Variants in CDKL5 observed in about 807,000 individuals in gnomAD.
CDKL5 encodes cyclin dependent kinase like 5.
A neutral mutation model predicts 61.7 loss-of-function variants in CDKL5; 8 were observed. That is an observed-to-expected ratio of 0.13 (90% CI 0.08 to 0.23). The LOEUF is 0.23. Ranked by LOEUF, CDKL5 falls within the 10% of genes least tolerant of loss-of-function variation. The pLI, the probability that CDKL5 is intolerant of heterozygous loss-of-function variation, is 1.00. For missense variants in CDKL5, 440 were observed against 734.5 expected, an observed-to-expected ratio of 0.60 and a Z score of 4.63; for synonymous variants, 275 against 272.3, an observed-to-expected ratio of 1.01 and a Z score of -0.10.
downstream of CDKL5, chrX:18,640,328 TGTC>T (rs1569228063): frequency 9.1e-6 from 1 of 110,059 alleles, no homozygotes; most frequent in Non-Finnish European, 1.9e-5. Context: ...TGACAGTCCA[TGTC>T]GTGACCAAAG....
At chrX:18,585,627 T>C (rs1395629366) in intron 8 of CDKL5, among the ~76,000 whole-genome samples, 1 of 111,813 alleles carries the variant, frequency 8.9e-6, no homozygotes, top group African/African-American at 3.3e-5. Context: ...CTTTTCTTTT[T>C]AGTACATTTT....
At chrX:18,653,602 C>A in exon 22 of CDKL5, 1 of 1,135,145 alleles carries the variant, frequency 8.8e-7, no homozygotes, top group Non-Finnish European at 1.2e-6. Flanking sequence ...ATGGAAGAAC[C>A]AATTAACACC....
At chrX:18,606,864 C>T (rs1356785003) in intron 12 of CDKL5, among the ~76,000 whole-genome samples, 3 of 111,865 alleles carry the variant, frequency 2.7e-5, no homozygotes, top group South Asian at 3.8e-4. Flanking sequence ...CAGTGGGAAA[C>T]GGAGTGGATC....
rs1927452725 is a variant in CDKL5 at position 18,638,201 on chromosome X, C to T, written c.*9444C>T. ...AATACCTTTGCTTTGTCCAAGTAAC[C>T]TCCTCCCACACAGAGTACCCGAATC... On this transcript the variant is annotated 3_prime_UTR_variant, in exon 18 of 18. Coordinates refer to ENST00000623535, the MANE Select transcript of CDKL5 (RefSeq NM_001323289.2). 1 of 111,791 alleles carries T rather than the reference C, an allele frequency of 8.9e-6. No individual in the cohort carries two copies. Among genetic ancestry groups the T allele is most frequent in the African/African-American group, 3.3e-5 (1 of 30,690 alleles). The allele number at this position is 111,791 out of a possible 1,213,427, so 9.2% of individuals were successfully genotyped here.
chrX:18,510,762 T>A (rs1232927437), intron 2 of CDKL5, 58 bp from the exon 3 acceptor site: 2 of 946,148 alleles, frequency 2.1e-6, no homozygotes, highest in Non-Finnish European at 3.1e-6. Flanking sequence ...AATGTCAGTA[T>A]AGCAGAGCTT....
chrX:18,560,501 T>G (rs985535093), intron 3 of CDKL5, among the ~76,000 whole-genome samples: 7 of 111,899 alleles, frequency 6.3e-5, no homozygotes, highest in African/African-American at 1.9e-4. Context: ...CAAAATTGTT[T>G]AGCACTTTCG....
chrX:18,609,331 C>T, intron 13 of CDKL5, 134 bp from the exon 14 acceptor site: 3 of 1,093,497 alleles, frequency 2.7e-6, no homozygotes, highest in Non-Finnish European at 2.5e-6. Flanking sequence ...GCAGTCAAGG[C>T]TACAGTAAGC....
intron 1 of CDKL5, among the ~76,000 whole-genome samples, chrX:18,449,360 G>A (rs1422963542): frequency 8.9e-6 from 1 of 112,389 alleles, no homozygotes; most frequent in Non-Finnish European, 1.9e-5. Flanking sequence ...TTAAAGTAGA[G>A]CTTCAGTGCC....
In CDKL5 at chrX:18,647,404, AAAAC is replaced by A. The variant is rs754008934; in HGVS notation, c.2797+1319_2797+1322del. 57 of 1,109,289 alleles carry A rather than the reference AAAAC, an allele frequency of 5.1e-5. 1 individual carries two copies. The East Asian group carries it at 1.6e-3, about 32-fold the overall frequency. The allele number at this position is 1,109,289 out of a possible 1,213,427, so 91.4% of individuals were successfully genotyped here. On this transcript the variant is annotated intron_variant, in intron 20 of 21. Transcript: ENST00000379989. ...ACAAGCACCAGGTGACTGAAATAAC[AAAAC>A]AAACCCATCTGCTTTGCGCTTCGGA...
chrX:18,545,015 C>G (rs1334227570), intron 3 of CDKL5, among the ~76,000 whole-genome samples: 1 of 111,047 alleles, frequency 9.0e-6, no homozygotes, highest in Non-Finnish European at 1.9e-5. Context: ...ATTGCTTGAG[C>G]CTATGAGTTA....
At chrX:18,546,464 G>A (rs1169268172) in intron 3 of CDKL5, among the ~76,000 whole-genome samples, 2 of 110,299 alleles carry the variant, frequency 1.8e-5, no homozygotes, top group African/African-American at 3.3e-5. Flanking sequence ...GTTTCACCAT[G>A]TTGGCCAGGC....
At chrX:18,538,915 T>C (rs1293280507) in intron 3 of CDKL5, among the ~76,000 whole-genome samples, 1 of 112,629 alleles carries the variant, frequency 8.9e-6, no homozygotes, top group East Asian at 2.8e-4. Flanking sequence ...CTTTAATAAT[T>C]ACATGACTCT....
intron 1 of CDKL5, among the ~76,000 whole-genome samples, chrX:18,476,599 A>G (rs1157504470): frequency 8.9e-6 from 1 of 111,832 alleles, no homozygotes; most frequent in African/African-American, 3.2e-5. Context: ...TAAAGTCCAC[A>G]TTCAGATTTT....
chrX:18,529,026 T>C (rs957764145), intron 3 of CDKL5, among the ~76,000 whole-genome samples: 31 of 111,413 alleles, frequency 2.8e-4, no homozygotes, highest in African/African-American at 9.8e-4. Context: ...GATATTAATA[T>C]GGTTGTATTA....
intron 5 of CDKL5, among the ~76,000 whole-genome samples, chrX:18,576,004 A>G (rs1019978578): frequency 1.3e-4 from 15 of 112,516 alleles, no homozygotes; most frequent in African/African-American, 4.5e-4. Flanking sequence ...AAAGAAAAGC[A>G]TGCATTGTTT....
At chrX:18,612,878 G>T (rs937658070) in intron 14 of CDKL5, among the ~76,000 whole-genome samples, 6 of 109,785 alleles carry the variant, frequency 5.5e-5, no homozygotes, top group African/African-American at 2.0e-4. Flanking sequence ...ATGTTTGTTT[G>T]TTGTTTTATT....
intron 1 of CDKL5, among the ~76,000 whole-genome samples, chrX:18,504,027 T>G (rs1021365253): frequency 8.9e-6 from 1 of 111,844 alleles, no homozygotes; most frequent in Non-Finnish European, 1.9e-5. Flanking sequence ...GTGCTGGGAT[T>G]ATGGACACGA....
chrX:18,539,748 T>C (rs755732850), intron 3 of CDKL5, among the ~76,000 whole-genome samples: 1 of 111,976 alleles, frequency 8.9e-6, no homozygotes, highest in African/African-American at 3.2e-5. Context: ...CTTATTTTTT[T>C]GTCTTCAGGA....
At chrX:18,588,219 G>C in intron 9 of CDKL5, 76 bp downstream of exon 9, 1 of 752,170 alleles carries the variant, frequency 1.3e-6, no homozygotes, top group Non-Finnish European at 2.1e-6. Context: ...ACAATGGAAT[G>C]CTAAACTATC....
Sources: allele counts gnomAD v4.1 joint callset (sites outside exome capture counted in the v4.1 genomes callset), GRCh38; gene constraint gnomAD v4.1.1; transcripts MANE v1.5; gene names NCBI Gene and HGNC (gene_info 2026-07-23, HGNC 2026-07-21).